The following FAM149A variants were observed in gnomAD, a reference collection of about 807,000 sequenced individuals.
The protein encoded by FAM149A is family with sequence similarity 149 member A, also known as protein FAM149A.
A neutral mutation model predicts 78.2 loss-of-function variants in FAM149A; 71 were observed. That is an observed-to-expected ratio of 0.91 (90% CI 0.75 to 1.11). The LOEUF is 1.11. Among genes scored for constraint, FAM149A ranks in the 50% least tolerant of loss-of-function variants. The pLI is 0.00. For missense variants in FAM149A, 1,036 were observed against 971.0 expected, an observed-to-expected ratio of 1.07 and a Z score of -0.89; for synonymous variants, 446 against 410.5, an observed-to-expected ratio of 1.09 and a Z score of -1.04.
chr4:186,141,783 TC>T (rs1360982388), intron 1 of FAM149A, among the ~76,000 whole-genome samples: 1 of 152,158 alleles, frequency 6.6e-6, no homozygotes, highest in Non-Finnish European at 1.5e-5. Context: ...TAGGGGTGTC[TC>T]ATAGATCCCC....
intron 1 of FAM149A, among the ~76,000 whole-genome samples, chr4:186,126,341 A>G (rs938878582): frequency 4.6e-5 from 7 of 152,148 alleles, no homozygotes; most frequent in African/African-American, 1.4e-4. Flanking sequence ...TTATGTGTCA[A>G]CTTGACTGAG....
chr4:186,150,727 C>CT (rs34234252), intron 3 of FAM149A, among the ~76,000 whole-genome samples: 125 of 144,098 alleles, frequency 8.7e-4, no homozygotes, highest in African/African-American at 2.7e-3. Context: ...CCTTTTCTCT[C>CT]TTTTTTTTTT....
intron 1 of FAM149A, chr4:186,117,969 G>A (rs2099314419): frequency 1.0e-6 from 1 of 985,370 alleles, no homozygotes; most frequent in Non-Finnish European, 1.2e-6. Flanking sequence ...CATAAAGGGG[G>A]ACCACAGAAG....
At chr4:186,124,044 G>T in intron 1 of FAM149A, 1 of 971,466 alleles carries the variant, frequency 1.0e-6, no homozygotes, top group Non-Finnish European at 1.2e-6. Flanking sequence ...CTTGGTAGTG[G>T]GTGGCCACTT....
intron 3 of FAM149A, among the ~76,000 whole-genome samples, chr4:186,150,359 TTTGTTG>T (rs564673932): frequency 6.8e-6 from 1 of 147,808 alleles, no homozygotes; most frequent in African/African-American, 2.6e-5. Context: ...TGCTGGGTGT[TTTGTTG>T]TTGTTGTTGT....
At chr4:186,111,960 G>T (rs1444655507) in intron 1 of FAM149A, among the ~76,000 whole-genome samples, 1 of 151,394 alleles carries the variant, frequency 6.6e-6, no homozygotes, top group East Asian at 1.9e-4. Flanking sequence ...TATGGGGATG[G>T]CATTGAATCT....
intron 1 of FAM149A, chr4:186,123,969 C>G (rs1184244220): frequency 2.0e-6 from 2 of 984,638 alleles, no homozygotes; most frequent in African/African-American, 3.5e-5. Flanking sequence ...GCCATCTTAA[C>G]TAGATAGCTA....
At chr4:186,154,967 C>CT (rs35513834) in intron 6 of FAM149A, 7,806 of 859,822 alleles carry the variant, frequency 9.1e-3, no homozygotes, top group Middle Eastern at 0.017. Context: ...GTATTTTGTT[C>CT]TTTTTTTTTT....
chr4:186,163,277 A>G lies in FAM149A; in HGVS notation c.1680-147A>G, dbSNP rs532690232. ...CTTCATTGAAACAGAAACAGAAATG[A>G]TGGGTCTTTTCATTCATTCAACCCG... On this transcript the variant is annotated intron_variant, in intron 9 of 13. Coordinates refer to ENST00000389354, the MANE Select transcript of FAM149A (RefSeq NM_001367768.3). 14 of 642,884 alleles carry G rather than the reference A, an allele frequency of 2.2e-5. 1 individual carries two copies. In the Admixed American group the frequency reaches 2.8e-4, roughly 13 times the overall value. The allele number at this position is 642,884 out of a possible 1,614,324, so 39.8% of individuals were successfully genotyped here. A position where few individuals can be genotyped will look rare whatever the true frequency, so the allele number is the denominator to read the frequency against.
rs1386094089 is a variant in FAM149A at position 186,136,964 on chromosome 4, T to TTCTC, written c.567-12201_567-12198dup. Among the ~76,000 whole-genome samples the TTCTC allele has an allele frequency of 4.2e-4, 41 of 97,108 alleles. 3 individuals are homozygous for TTCTC. The South Asian group carries it at 0.014, about 34-fold the overall frequency. The allele number at this position is 97,108 out of a possible 152,430, so 63.7% of individuals were successfully genotyped here. On this transcript the variant is annotated intron_variant, in intron 1 of 13. Coordinates refer to ENST00000389354, the MANE Select transcript of FAM149A (RefSeq NM_001367768.3). The stretch of plus-strand genomic sequence containing the variant: ...TCTCTCTCTCTCTCTCTCTCTCTCT[T>TTCTC]TCTCTCTCTCTTTCTCTCTCTCTCT...
At chr4:186,150,785 C>T (rs1225011306) in intron 3 of FAM149A, 1 of 148,308 alleles carries the variant, frequency 6.7e-6, no homozygotes, top group Non-Finnish European at 1.5e-5. Flanking sequence ...GCAGTGGTGC[C>T]ATGTCGGCTC....
rs1735655214 is a variant in FAM149A at position 186,174,164 on chromosome 4, T to TGTA, written c.*2178_*2180dup. Among the ~76,000 whole-genome samples the TGTA allele has an allele frequency of 1.8e-5, 2 of 108,358 alleles. No homozygotes were observed. The highest frequency in any genetic ancestry group is 5.8e-5 in the African/African-American group (2 of 34,464). 71.1% of individuals were successfully genotyped at this position (108,358 alleles called of 152,430 possible). On this transcript the variant is annotated 3_prime_UTR_variant, in exon 14 of 14. Coordinates refer to ENST00000389354, the MANE Select transcript of FAM149A (RefSeq NM_001367768.3). ...GTAAACTTGTGTCGTGGGAGTTTGT[T>TGTA]GTACAGATTATCACCCAGGTATTAA...
At chr4:186,120,129 C>G (rs2099315351) in intron 1 of FAM149A, among the ~76,000 whole-genome samples, 1 of 152,188 alleles carries the variant, frequency 6.6e-6, no homozygotes, top group Non-Finnish European at 1.5e-5. Context: ...AGCCAGGGTT[C>G]TTAGCATTTG....
Position 186,171,972 on chromosome 4 carries a change from C to A in FAM149A, c.2277C>A (p.Phe759Leu), listed in dbSNP as rs771746451. The change falls in exon 14 of 14, where the codon TTC becomes TTA. Residue 759 changes from phenylalanine to leucine, a missense_variant. Physicochemically the swap from Phe to Leu is conservative, Grantham distance 22. Transcript: ENST00000389354. ...CAACTTTGACTTTCAAGAGGAGATT[C>A]CAAGTGACATCTTGAAACCACCTCA... 1.2e-6 allele frequency: 2 copies of A among 1,611,976 alleles called. No individual in the cohort carries two copies. The highest frequency in any genetic ancestry group is 1.7e-6 in the Non-Finnish European group (2 of 1,178,908).
At chr4:186,131,033 G>T (rs1257410565) in intron 1 of FAM149A, among the ~76,000 whole-genome samples, 2 of 152,152 alleles carry the variant, frequency 1.3e-5, no homozygotes, top group Non-Finnish European at 2.9e-5. Flanking sequence ...AAGGCCCCTT[G>T]TGACAGGGTT....
chr4:186,145,653 C>G (rs1300128620), intron 1 of FAM149A, among the ~76,000 whole-genome samples: 2 of 152,168 alleles, frequency 1.3e-5, no homozygotes, highest in Non-Finnish European at 2.9e-5. Flanking sequence ...CATGCGCCAA[C>G]AAATGAGTGC....
rs566092491 is a variant in FAM149A at position 186,108,842 on chromosome 4, A to T, written c.566+3200A>T. 5.4e-3 allele frequency among the ~76,000 whole-genome samples: 789 copies of T among 147,342 alleles called. 10 individuals carry two copies. Among genetic ancestry groups the T allele is most frequent in the African/African-American group, 0.019 (755 of 40,426 alleles). On this transcript the variant is annotated intron_variant, in intron 1 of 13. Transcript: ENST00000389354. ...TACACCTTGTAAAGGTCTTATTCTC[A>T]ATCTCTGGTTTTTTTTTTTTTTTGA...
In FAM149A at chr4:186,170,711, C is replaced by A. The variant is rs143970142; in HGVS notation, c.2219-1203C>A. 9.4e-3 allele frequency among the ~76,000 whole-genome samples: 1,429 copies of A among 152,302 alleles called. 21 individuals carry two copies. Among genetic ancestry groups the A allele is most frequent in the Non-Finnish European group, 0.011 (769 of 68,020 alleles). On this transcript the variant is annotated intron_variant, in intron 13 of 13. Transcript: ENST00000389354. ...GACAGGAAACCTCAGGAGAAGGAGG[C>A]CCTTTCACCCGCCAAAGTGGAACCT...
chr4:186,158,404 T>G, intron 8 of FAM149A: 1 of 1,192,150 alleles, frequency 8.4e-7, no homozygotes, highest in Non-Finnish European at 1.1e-6. Flanking sequence ...CCTGAAGGGG[T>G]GGCTGCTGGC....
Sources: allele counts gnomAD v4.1 joint callset (sites outside exome capture counted in the v4.1 genomes callset), GRCh38; gene constraint gnomAD v4.1.1; transcripts MANE v1.5; gene names NCBI Gene and HGNC (gene_info 2026-07-23, HGNC 2026-07-21).